Variants in PATJ observed in about 807,000 individuals in gnomAD.
The protein encoded by PATJ is inaD-like protein.
A neutral mutation model predicts 224.9 loss-of-function variants in PATJ; 190 were observed. The observed-to-expected ratio is 0.84, with a 90% CI of 0.75 to 0.95. The LOEUF (loss-of-function observed/expected upper bound fraction) is 0.95. Ranked by LOEUF, PATJ falls within the 40% of genes least tolerant of loss-of-function variation. The pLI, the probability that PATJ is intolerant of heterozygous loss-of-function variation, is 0.00. For missense variants in PATJ, 2,121 were observed against 2,270.3 expected, an observed-to-expected ratio of 0.93 and a Z score of 1.34; for synonymous variants, 769 against 820.3, an observed-to-expected ratio of 0.94 and a Z score of 1.07.
chr1:62,115,345 T>G (rs910403125), intron 35 of PATJ, among the ~76,000 whole-genome samples: 12 of 151,700 alleles, frequency 7.9e-5, no homozygotes, highest in African/African-American at 2.4e-4. Context: ...AGGTATATGT[T>G]GCCTAGGCCA....
At chr1:61,842,874 T>C (rs533354494) in intron 17 of PATJ, among the ~76,000 whole-genome samples, 1 of 152,272 alleles carries the variant, frequency 6.6e-6, no homozygotes, top group Admixed American at 6.5e-5. Context: ...GAGTTCCCAG[T>C]TGAGTGTGAT....
chr1:62,047,804 A>G (rs1235702531), intron 30 of PATJ, among the ~76,000 whole-genome samples: 1 of 152,246 alleles, frequency 6.6e-6, no homozygotes, highest in Non-Finnish European at 1.5e-5. Context: ...TTTATTTCAC[A>G]TGGTAACTCC....
At chr1:62,150,909 G>A (rs891119088) in intron 42 of PATJ, among the ~76,000 whole-genome samples, 4 of 152,194 alleles carry the variant, frequency 2.6e-5, no homozygotes, top group East Asian at 1.9e-4. Context: ...TCGGGAGGCC[G>A]AGGTGGGCAG....
chr1:62,049,285 T>A (rs1363014234), intron 30 of PATJ, among the ~76,000 whole-genome samples: 2 of 94,034 alleles, frequency 2.1e-5, no homozygotes, highest in Non-Finnish European at 4.6e-5. Flanking sequence ...ACACACAGAG[T>A]ATTTTTTTTT....
At chr1:62,122,734 G>A (rs1665230425) in intron 38 of PATJ, among the ~76,000 whole-genome samples, 1 of 151,802 alleles carries the variant, frequency 6.6e-6, no homozygotes, top group Admixed American at 6.6e-5. Flanking sequence ...AGAGGCAGAA[G>A]AATTGCTTGA....
intron 43 of PATJ, among the ~76,000 whole-genome samples, chr1:62,159,676 C>CA (rs1558252524): frequency 1.3e-5 from 2 of 151,884 alleles, no homozygotes; most frequent in Non-Finnish European, 2.9e-5. Context: ...GCCTCAGCCT[C>CA]CCGAGGAGCT....
chr1:61,924,614 C>T (rs567098568), intron 26 of PATJ, among the ~76,000 whole-genome samples: 1 of 152,240 alleles, frequency 6.6e-6, no homozygotes, highest in East Asian at 1.9e-4. Context: ...CAACTATTTT[C>T]TGGAAACTCT....
intron 29 of PATJ, among the ~76,000 whole-genome samples, chr1:62,031,134 G>C (rs1247935868): frequency 6.6e-6 from 1 of 152,166 alleles, no homozygotes; most frequent in Non-Finnish European, 1.5e-5. Context: ...ACCCGTCAGG[G>C]TTCCTTACTG....
chr1:62,145,506 A>C (rs1356929202), intron 41 of PATJ, among the ~76,000 whole-genome samples: 8 of 152,082 alleles, frequency 5.3e-5, no homozygotes, highest in Admixed American at 5.2e-4. Context: ...TACAAAAAAT[A>C]AAAAGTTAGC....
intron 28 of PATJ, among the ~76,000 whole-genome samples, chr1:62,001,739 A>T (rs1237686197): frequency 6.6e-6 from 1 of 151,976 alleles, no homozygotes; most frequent in East Asian, 1.9e-4. Context: ...TGGTAGCTTG[A>T]TGGGGATGGC....
chr1:62,106,158 G>GTGTGTATATATATATA (rs1356937495), intron 33 of PATJ, among the ~76,000 whole-genome samples: 12 of 48,058 alleles, frequency 2.5e-4, no homozygotes, highest in African/African-American at 4.2e-4. Flanking sequence ...GTGTGTGTGT[G>GTGTGTATATATATATA]TATATATATA....
intron 35 of PATJ, among the ~76,000 whole-genome samples, 161 bp from the exon 36 acceptor site, chr1:62,116,371 T>A (rs1171609816): frequency 6.6e-6 from 1 of 152,126 alleles, no homozygotes; most frequent in African/African-American, 2.4e-5. Context: ...AAGCTCCAAG[T>A]GCTGATAAAG....
chr1:61,845,128 A>G (rs1661724928), intron 17 of PATJ, among the ~76,000 whole-genome samples: 1 of 152,174 alleles, frequency 6.6e-6, no homozygotes, highest in South Asian at 2.1e-4. Context: ...CTTATAGATA[A>G]GGGGGGACTA....
chr1:61,849,169 A>C (rs1346057576), intron 17 of PATJ, among the ~76,000 whole-genome samples: 1 of 152,214 alleles, frequency 6.6e-6, no homozygotes, highest in Non-Finnish European at 1.5e-5. Flanking sequence ...AGTTGATTGA[A>C]GTTGTTTTGC....
Position 62,006,267 on chromosome 1 carries a change from G to A in PATJ, c.3868-11589G>A, listed in dbSNP as rs111246535. Among the ~76,000 whole-genome samples the A allele has an allele frequency of 1.0e-3, 157 of 152,062 alleles. 2 individuals carry two copies. Among genetic ancestry groups the A allele is most frequent in the African/African-American group, 3.5e-3 (145 of 41,500 alleles). ...GTAGCTGGGATTACAGGCGCATGCC[G>A]CCACACCCCACTAATTTTTTCTATT... On this transcript the variant is annotated intron_variant, in intron 28 of 43. Coordinates refer to ENST00000642238, the MANE Select transcript of PATJ (RefSeq NM_001350145.3).
intron 14 of PATJ, among the ~76,000 whole-genome samples, chr1:61,814,547 T>TGTGTGTGTGTGTGCGCGCGC (rs370488022): frequency 3.2e-4 from 45 of 142,560 alleles, no homozygotes; most frequent in African/African-American, 1.1e-3. Flanking sequence ...TGTGTGTGTG[T>TGTGTGTGTGTGTGCGCGCGC]GCGCGCGCGC....
At chr1:61,974,405 CTTTTTTTTTT>C (rs149825131) in intron 27 of PATJ, among the ~76,000 whole-genome samples, 3 of 64,240 alleles carry the variant, frequency 4.7e-5, no homozygotes, top group African/African-American at 6.3e-5. Flanking sequence ...CTCTCTCTCT[CTTTTTTTTTT>C]TTTTTTTTTT....
In PATJ at chr1:61,775,066, G is replaced by A. The variant is rs769973742; in HGVS notation, c.721-140G>A. 2.2e-4 allele frequency: 181 copies of A among 805,006 alleles called. 1 individual carries two copies. The Middle Eastern group carries it at 3.4e-3, about 15-fold the overall frequency. The allele number at this position is 805,006 out of a possible 1,614,324, so 49.9% of individuals were successfully genotyped here. On this transcript the variant is annotated intron_variant, in intron 6 of 43. Transcript: ENST00000642238. ...TGATTATCTCTGTCTGTATATCTTA[G>A]CCTGTAGAACATTGCCTTGATTAAT...
At chr1:61,803,775 A>G (rs146292600) in intron 12 of PATJ, among the ~76,000 whole-genome samples, 47 of 152,270 alleles carry the variant, frequency 3.1e-4, no homozygotes, top group African/African-American at 1.1e-3. Context: ...GTATAATTTT[A>G]GCTTTAGAGT....
Sources: gnomAD v4.1 joint callset for allele counts (sites outside exome capture counted in the v4.1 genomes callset) on GRCh38, gnomAD v4.1.1 for gene constraint, MANE v1.5 for transcripts, NCBI Gene and HGNC (gene_info 2026-07-23, HGNC 2026-07-21) for gene names.